Variants in SLC6A6 observed in about 807,000 individuals in gnomAD.
The protein encoded by SLC6A6 is solute carrier family 6 member 6, also known as sodium- and chloride-dependent taurine transporter.
In SLC6A6, 16 loss-of-function variants were observed where a neutral mutation model predicts 68.8. That is an observed-to-expected ratio of 0.23 (90% CI 0.16 to 0.35). The LOEUF (loss-of-function observed/expected upper bound fraction) is 0.35, where lower values mean the gene tolerates loss of function less well. Ranked by LOEUF, SLC6A6 falls within the 10% of genes least tolerant of loss-of-function variation. The pLI is 1.00. For synonymous variants in SLC6A6, 312 were observed against 315.4 expected (o/e 0.99, Z 0.12); for missense variants, 474 against 802.8 (o/e 0.59, Z 4.95).
chr3:14,471,145 T>TC (rs1309679355), intron 9 of SLC6A6, among the ~76,000 whole-genome samples: 3 of 150,774 alleles, frequency 2.0e-5, no homozygotes, highest in African/African-American at 7.3e-5. Flanking sequence ...TTTTTTTTTT[T>TC]TTTTTTTAGT....
At chr3:14,414,678 A>G (rs533463571) in intron 1 of SLC6A6, among the ~76,000 whole-genome samples, 1 of 152,118 alleles carries the variant, frequency 6.6e-6, no homozygotes, top group South Asian at 2.1e-4. Context: ...GGCATGTGCC[A>G]CCATACCCAG....
At chr3:14,414,236 CAAGA>C (rs1185116519) in intron 1 of SLC6A6, among the ~76,000 whole-genome samples, 1 of 152,164 alleles carries the variant, frequency 6.6e-6, no homozygotes, top group Non-Finnish European at 1.5e-5. Context: ...CCATCTCAAC[CAAGA>C]AAGAGCCTTG....
chr3:14,404,162 G>C (rs1446584677), intron 1 of SLC6A6, among the ~76,000 whole-genome samples: 12 of 152,238 alleles, frequency 7.9e-5, no homozygotes. Context: ...TCACTGAGGA[G>C]ATCTTTTTAA....
intron 1 of SLC6A6, among the ~76,000 whole-genome samples, chr3:14,415,388 G>A (rs928514220): frequency 6.6e-6 from 1 of 152,120 alleles, no homozygotes; most frequent in Non-Finnish European, 1.5e-5. Context: ...TGCGCCTCTG[G>A]GTCTGGGAAG....
Position 14,416,471 on chromosome 3 carries a change from T to TC in SLC6A6, c.-12+20dup, listed in dbSNP as rs1261256156. 7.5e-6 allele frequency: 3 copies of TC among 398,548 alleles called. No homozygotes were observed. The highest frequency in any genetic ancestry group is 1.3e-5 in the Non-Finnish European group (3 of 226,088). 24.7% of individuals were successfully genotyped at this position (398,548 alleles called of 1,614,324 possible). ...TCCCAAACGTAAGTGACCTTGGACC[T>TC]CCAGGTGGGATGGGTGTCTCACACG... On this transcript the variant is annotated intron_variant, in intron 2 of 14. Coordinates refer to ENST00000622186, the MANE Select transcript of SLC6A6 (RefSeq NM_003043.6).
intron 4 of SLC6A6, 73 bp from the exon 5 acceptor site, chr3:14,447,509 C>T: frequency 6.3e-7 from 1 of 1,582,086 alleles, no homozygotes; most frequent in Non-Finnish European, 8.6e-7. Flanking sequence ...CCATGGCCTT[C>T]CAGTTGAGTA....
At chr3:14,448,728 A>G (rs1240265547) in intron 5 of SLC6A6, among the ~76,000 whole-genome samples, 5 of 152,258 alleles carry the variant, frequency 3.3e-5, no homozygotes, top group African/African-American at 7.2e-5. Context: ...GGGAGGATAC[A>G]GAGGACAAAC....
chr3:14,439,400 C>T (rs1356452218), intron 2 of SLC6A6, among the ~76,000 whole-genome samples: 3 of 152,212 alleles, frequency 2.0e-5, no homozygotes, highest in Non-Finnish European at 2.9e-5. Context: ...GCCATGGCAT[C>T]GCTGGCACGG....
intron 2 of SLC6A6, among the ~76,000 whole-genome samples, chr3:14,421,916 T>C (rs1699494093): frequency 6.6e-6 from 1 of 152,142 alleles, no homozygotes; most frequent in Non-Finnish European, 1.5e-5. Flanking sequence ...AGCTTGGGCC[T>C]CAGGTGGAGT....
At chr3:14,423,618 C>T (rs1699530361) in intron 2 of SLC6A6, among the ~76,000 whole-genome samples, 2 of 152,146 alleles carry the variant, frequency 1.3e-5, no homozygotes, top group African/African-American at 4.8e-5. Flanking sequence ...GAACCACCTT[C>T]CTGTTTTGGT....
intron 2 of SLC6A6, among the ~76,000 whole-genome samples, chr3:14,417,647 G>A (rs1218549896): frequency 6.6e-6 from 1 of 151,968 alleles, no homozygotes; most frequent in Non-Finnish European, 1.5e-5. Flanking sequence ...CAGGAGAATG[G>A]CGTGAACCCG....
rs1056117870 is a variant in SLC6A6, at chr3:14,454,453, C to T, written c.600-3497C>T. On this transcript the variant is annotated intron_variant, in intron 5 of 14. Transcript: ENST00000622186. ...GGTAGGGATTGGCTGGGATCCTGATCGGCTGCTTTCTGGCTGGGAAGACCC... is the reference window on the plus strand; with the variant it reads ...GGTAGGGATTGGCTGGGATCCTGATTGGCTGCTTTCTGGCTGGGAAGACCC... Among the ~76,000 whole-genome samples the T allele has an allele frequency of 3.9e-5, 6 of 152,208 alleles. No individual in the cohort carries two copies. The South Asian group carries it at 1.2e-3, about 32-fold the overall frequency.
At chr3:14,466,716 A>G in intron 7 of SLC6A6, 66 bp downstream of exon 7, 1 of 1,418,684 alleles carries the variant, frequency 7.0e-7, no homozygotes, top group Non-Finnish European at 9.5e-7. Flanking sequence ...AGGACAGGGC[A>G]GGATGTAGAG....
rs1025486294 is a variant in SLC6A6, at chr3:14,485,348, T to C, written c.*341T>C. ...TTTTTACATATAAGTATATATACAC[T>C]TAGAGATTGTCATATACTTTTACCA... On this transcript the variant is annotated 3_prime_UTR_variant, in exon 15 of 15. Coordinates refer to ENST00000622186, the MANE Select transcript of SLC6A6 (RefSeq NM_003043.6). 2 of 171,426 alleles carry C rather than the reference T, an allele frequency of 1.2e-5. No individual in the cohort carries two copies. The highest frequency in any genetic ancestry group is 2.5e-5 in the Non-Finnish European group (2 of 80,448). 10.6% of individuals were successfully genotyped at this position (171,426 alleles called of 1,614,324 possible).
Position 14,447,564 on chromosome 3 carries a change from C to A in SLC6A6, c.365-18C>A. The A allele has an allele frequency of 6.2e-7, 1 of 1,613,830 alleles. No individual in the cohort carries two copies. The highest frequency in any genetic ancestry group is 8.5e-7 in the Non-Finnish European group (1 of 1,179,794). On this transcript the variant is annotated intron_variant, in intron 4 of 14. Transcript: ENST00000622186. ...GCCTCCCTCAGATGTTTACTCATCTCATTTGCCCAACCTGCAGGTATCGGC... is the reference window on the plus strand; with the variant it reads ...GCCTCCCTCAGATGTTTACTCATCTAATTTGCCCAACCTGCAGGTATCGGC...
intron 10 of SLC6A6, among the ~76,000 whole-genome samples, chr3:14,476,546 C>T (rs909331240): frequency 3.3e-5 from 5 of 152,326 alleles, no homozygotes; most frequent in African/African-American, 1.2e-4. Flanking sequence ...ATGCAAAGTC[C>T]TCTCATGGGC....
rs1700764373 is a variant in SLC6A6, at chr3:14,472,059, C to T, written c.1097-146C>T. ...GTGTCCCACCCAAAGGCGAGACAGG[C>T]CTGGTCTCTTTCCCCAGGCCAGAGT... is the stretch of plus-strand genomic sequence containing the variant. On this transcript the variant is annotated intron_variant, in intron 9 of 14. Transcript: ENST00000622186. This position sits in a 1 kb window ranked among gnomAD's most constrained non-coding sequence, Gnocchi z 4.5. 4.8e-6 allele frequency: 3 copies of T among 620,522 alleles called. No homozygotes were observed. The highest frequency in any genetic ancestry group is 2.8e-5 in the East Asian group (1 of 36,282). The allele number at this position is 620,522 out of a possible 1,614,324, so 38.4% of individuals were successfully genotyped here.
intron 2 of SLC6A6, among the ~76,000 whole-genome samples, chr3:14,443,052 C>T (rs1700027915): frequency 6.6e-6 from 1 of 152,206 alleles, no homozygotes; most frequent in South Asian, 2.1e-4. Flanking sequence ...CCATTCCAGC[C>T]TGAAACCCCA....
rs921886267 is a variant in SLC6A6, at chr3:14,462,974, T to C, written c.733-3542T>C. On this transcript the variant is annotated intron_variant, in intron 6 of 14. Transcript: ENST00000622186. ...AGGCCGCCTGGGGAGATACGTGGCC[T>C]GTATCTCACAACTCTCTGCTGAAGA... 5.9e-5 allele frequency among the ~76,000 whole-genome samples: 9 copies of C among 152,324 alleles called. No individual in the cohort carries two copies. In the South Asian group the frequency reaches 1.9e-3, roughly 32 times the overall value.
Sources: allele counts gnomAD v4.1 joint callset (sites outside exome capture counted in the v4.1 genomes callset), GRCh38; gene constraint gnomAD v4.1.1; non-coding constraint Gnocchi (gnomAD v3.1); transcripts MANE v1.5; gene names NCBI Gene and HGNC (gene_info 2026-07-23, HGNC 2026-07-21).